NELL2: variants seen among roughly 807,000 people sequenced by gnomAD.
NELL2 encodes protein kinase C-binding protein NELL2.
In NELL2, 41 loss-of-function variants were observed where a neutral mutation model predicts 109.6. That is an observed-to-expected ratio of 0.37 (90% CI 0.29 to 0.49). The LOEUF (loss-of-function observed/expected upper bound fraction) is 0.49, where lower values mean the gene tolerates loss of function less well. Ranked by LOEUF, NELL2 falls within the 20% of genes least tolerant of loss-of-function variation. NELL2 has a pLI of 0.98. For synonymous variants in NELL2, 355 were observed against 344.7 expected, an observed-to-expected ratio of 1.03 and a Z score of -0.33; for missense variants, 900 against 1,008.3, an observed-to-expected ratio of 0.89 and a Z score of 1.45.
chr12:44,846,545 AG>A (rs1944376248), intron 2 of NELL2, among the ~76,000 whole-genome samples: 1 of 152,202 alleles, frequency 6.6e-6, no homozygotes, highest in Non-Finnish European at 1.5e-5. Flanking sequence ...TTGCATTTTA[AG>A]TGGCTGCAGT....
chr12:44,733,041 C>A (rs1939452627), intron 9 of NELL2, among the ~76,000 whole-genome samples: 1 of 151,824 alleles, frequency 6.6e-6, no homozygotes, highest in Non-Finnish European at 1.5e-5. Flanking sequence ...CAAAAACAAA[C>A]AAATATAAAC....
chr12:44,774,717 G>A (rs377157697), intron 9 of NELL2, 30 bp downstream of exon 9: 6 of 1,544,654 alleles, frequency 3.9e-6, no homozygotes, highest in Non-Finnish European at 5.4e-6. Flanking sequence ...TTTTTCCAAA[G>A]AAAGTATTCA....
chr12:44,687,000 G>A (rs975636856), intron 12 of NELL2, among the ~76,000 whole-genome samples: 12 of 152,092 alleles, frequency 7.9e-5, no homozygotes, highest in African/African-American at 2.7e-4. Flanking sequence ...AATGGTGGGC[G>A]CCCCTCCCCG....
chr12:44,792,852 T>C (rs529299375), intron 3 of NELL2, among the ~76,000 whole-genome samples: 3 of 152,310 alleles, frequency 2.0e-5, no homozygotes, highest in East Asian at 3.9e-4. Context: ...GCATACTCTT[T>C]AAATGAGCGA....
At chr12:44,707,219 C>T (rs1042747137) in intron 11 of NELL2, among the ~76,000 whole-genome samples, 5 of 152,168 alleles carry the variant, frequency 3.3e-5, no homozygotes, top group African/African-American at 4.8e-5. Context: ...CTGGACACAA[C>T]AATTTCTTCA....
chr12:44,909,968 C>G (rs1566614798), intron 1 of NELL2, among the ~76,000 whole-genome samples: 1 of 151,362 alleles, frequency 6.6e-6, no homozygotes, highest in Admixed American at 6.6e-5. Context: ...TTACCACATA[C>G]AAAAAAAATT....
chr12:44,550,163 G>T (rs1942972291), intron 15 of NELL2, among the ~76,000 whole-genome samples: 1 of 152,152 alleles, frequency 6.6e-6, no homozygotes, highest in Non-Finnish European at 1.5e-5. Context: ...CTTCAAAAAT[G>T]ATGTGGAGAA....
At chr12:44,691,920 T>C (rs557563201) in intron 12 of NELL2, among the ~76,000 whole-genome samples, 1 of 152,298 alleles carries the variant, frequency 6.6e-6, no homozygotes, top group Non-Finnish European at 1.5e-5. Context: ...GCCATCTCTA[T>C]AGCAGAAAAG....
Position 44,665,563 on chromosome 12 carries a change from T to C in NELL2, c.1365A>G (p.Thr455=). The part of the protein sequence containing the change: ...AEGRHYCREN[T]MCVNTPGSFM... ...AAGAACCCGGGGTGTTGACACACAT[T>C]GTATTTTCACGACAGTAATGGCGCC... Residue 455 remains threonine, a synonymous_variant, in exon 13 of 20, where the codon ACA becomes ACG. Coordinates refer to ENST00000429094, the MANE Select transcript of NELL2 (RefSeq NM_001145108.2). The C allele has an allele frequency of 6.2e-7, 1 of 1,613,582 alleles. No individual in the cohort carries two copies. Among genetic ancestry groups the C allele is most frequent in the Non-Finnish European group, 8.5e-7 (1 of 1,179,530 alleles).
intron 3 of NELL2, among the ~76,000 whole-genome samples, chr12:44,811,941 T>C (rs1230132394): frequency 1.3e-5 from 2 of 152,084 alleles, no homozygotes; most frequent in Non-Finnish European, 2.9e-5. Context: ...GGCAAGAACA[T>C]GTGCTCAGAA....
intron 15 of NELL2, among the ~76,000 whole-genome samples, chr12:44,576,543 T>G (rs547885461): frequency 1.5e-5 from 2 of 135,454 alleles, no homozygotes; most frequent in South Asian, 2.1e-4. Context: ...TACCTTCTCT[T>G]TTTTTTTTTT....
At chr12:44,913,845 A>T in exon 1 of NELL2, 1 of 777,390 alleles carries the variant, frequency 1.3e-6, no homozygotes, top group Non-Finnish European at 2.0e-6. Context: ...ATTTTATAAT[A>T]ATAATGTCTA....
chr12:44,872,534 C>CA (rs1244234429), intron 2 of NELL2, among the ~76,000 whole-genome samples: 1 of 151,946 alleles, frequency 6.6e-6, no homozygotes, highest in African/African-American at 2.4e-5. Context: ...GCATGCATCT[C>CA]AAAATCCACT....
chr12:44,690,215 A>G (rs545659893), intron 12 of NELL2, among the ~76,000 whole-genome samples: 2 of 152,214 alleles, frequency 1.3e-5, no homozygotes, highest in Non-Finnish European at 2.9e-5. Context: ...ATTCTAAGAT[A>G]CAGTGTTAGA....
chr12:44,764,135 G>A lies in NELL2; in HGVS notation c.994+10612C>T, dbSNP rs181471290. 7.5e-4 allele frequency among the ~76,000 whole-genome samples: 114 copies of A among 152,268 alleles called. 1 individual carries two copies. Among genetic ancestry groups the A allele is most frequent in the African/African-American group, 2.4e-3 (99 of 41,568 alleles). On this transcript the variant is annotated intron_variant, in intron 9 of 19. Transcript: ENST00000429094. Reference sequence around the variant, plus strand: ...TCAAAAAGCTTTTGGGACCAAAGAAGAATTCGACATTATCACTGACTTCTA... The same window carrying A: ...TCAAAAAGCTTTTGGGACCAAAGAAAAATTCGACATTATCACTGACTTCTA...
chr12:44,527,255 TAAAG>T lies in NELL2; in HGVS notation c.1805-3775_1805-3772del, dbSNP rs377317321. Among the ~76,000 whole-genome samples, 131 of 152,302 alleles carry T rather than the reference TAAAG, an allele frequency of 8.6e-4. No homozygotes were observed. The South Asian group carries it at 0.022, about 25-fold the overall frequency. ...AAAGTTCAAAAAACTTCACCAAACT[TAAAG>T]ATTGTCCAGAAACTAAAGCAATAAT... On this transcript the variant is annotated intron_variant, in intron 16 of 19. Coordinates refer to ENST00000429094, the MANE Select transcript of NELL2 (RefSeq NM_001145108.2).
chr12:44,910,880 T>C (rs1945772274), intron 1 of NELL2, among the ~76,000 whole-genome samples: 1 of 152,022 alleles, frequency 6.6e-6, no homozygotes, highest in Non-Finnish European at 1.5e-5. Flanking sequence ...GCCATAATCC[T>C]AATCACATTA....
intron 15 of NELL2, among the ~76,000 whole-genome samples, chr12:44,588,534 G>C (rs941167495): frequency 1.3e-5 from 2 of 152,240 alleles, no homozygotes; most frequent in African/African-American, 4.8e-5. Context: ...GTACGCTGCA[G>C]ATGGCACTGA....
At chr12:44,584,353 T>C (rs1225420976) in intron 15 of NELL2, among the ~76,000 whole-genome samples, 1 of 152,182 alleles carries the variant, frequency 6.6e-6, no homozygotes. Context: ...GTGCAAGAAA[T>C]GTCACATAAC....
Sources: allele counts gnomAD v4.1 joint callset (sites outside exome capture counted in the v4.1 genomes callset), GRCh38; gene constraint gnomAD v4.1.1; transcripts MANE v1.5; gene names NCBI Gene and HGNC (gene_info 2026-07-23, HGNC 2026-07-21).